Variants in TMPRSS6 observed in about 807,000 individuals in gnomAD.
The protein encoded by TMPRSS6 is transmembrane protease serine 6.
Under a neutral mutation model 101.5 loss-of-function variants are expected in TMPRSS6, and 67 were observed. The ratio of observed to expected loss-of-function variants is 0.66; its 90% CI spans 0.54 to 0.81. TMPRSS6 has a LOEUF of 0.81. Among genes scored for constraint, TMPRSS6 ranks in the 30% least tolerant of loss-of-function variants. The probability of loss-of-function intolerance (pLI) is 0.00; values close to 1 mark genes in which losing one functional copy is unlikely to be tolerated. For missense variants in TMPRSS6, 1,034 were observed against 1,088.7 expected (o/e 0.95, Z 0.71); for synonymous variants, 453 against 464.9 (o/e 0.97, Z 0.33).
chr22:37,097,782 A>ACC (rs1929918859), intron 3 of TMPRSS6, among the ~76,000 whole-genome samples: 1 of 96,456 alleles, frequency 1.0e-5, no homozygotes. Flanking sequence ...GAGGGGCAGG[A>ACC]GTGGGCCACC....
chr22:37,077,097 G>A lies in TMPRSS6; in HGVS notation c.1197-1817C>T, dbSNP rs151126428. 4.4e-3 allele frequency among the ~76,000 whole-genome samples: 672 copies of A among 152,316 alleles called. 6 individuals carry two copies. The highest frequency in any genetic ancestry group is 0.016 in the African/African-American group (650 of 41,550). ...TTTAACATCTCCAGGTGTGTGGCTG[G>A]GGCTGAGCCTCATTGGCTATGGCAT... On this transcript the variant is annotated intron_variant, in intron 10 of 17. Coordinates refer to ENST00000676104, the MANE Select transcript of TMPRSS6 (RefSeq NM_001374504.1).
chr22:37,084,252 G>A (rs772896919), intron 10 of TMPRSS6, 43 bp downstream of exon 10: 1 of 1,523,160 alleles, frequency 6.6e-7, no homozygotes, highest in Non-Finnish European at 9.0e-7. Context: ...GAGAGGGAGG[G>A]GGAGGGAGGA....
intron 2 of TMPRSS6, among the ~76,000 whole-genome samples, chr22:37,100,244 G>T (rs543130862): frequency 3.3e-5 from 5 of 152,268 alleles, no homozygotes; most frequent in Non-Finnish European, 7.3e-5. Flanking sequence ...TGGGATTACG[G>T]GCGTGAGCCA....
At chr22:37,086,872 T>TGAC (rs1928831513) in intron 7 of TMPRSS6, among the ~76,000 whole-genome samples, 4 of 152,156 alleles carry the variant, frequency 2.6e-5, no homozygotes, top group African/African-American at 9.6e-5. Context: ...GCAGGTGTGG[T>TGAC]CTCGTGACCC....
rs143751941 is a variant in TMPRSS6, at chr22:37,104,759, G to A, written c.-1-1341C>T. ...GTGGATCACCTGAGGTCAGGAGTTC[G>A]AGATCAGCCTGGCCAATATGGTGAA... is the stretch of plus-strand genomic sequence containing the variant. On this transcript the variant is annotated intron_variant, in intron 1 of 17. Transcript: ENST00000676104. Among the ~76,000 whole-genome samples, 850 of 152,252 alleles carry A rather than the reference G, an allele frequency of 5.6e-3. 8 individuals are homozygous for A. Among genetic ancestry groups the A allele is most frequent in the African/African-American group, 0.019 (790 of 41,534 alleles).
Position 37,086,322 on chromosome 22 carries a change from C to A in TMPRSS6, c.934G>T (p.Asp312Tyr). ...GGCTGCACGGAGAGCACGAAGGGGT[C>A]GTAGTAGCTGTGCAGGCCCTTCTTC... The part of the protein sequence containing the change: ...VWKKGLHSYY[D>Y]PFVLSVQPVV... The change falls in exon 8 of 18, where the codon GAC (aspartate) becomes TAC (tyrosine). Residue 312 changes from aspartate (D) to tyrosine (Y), a missense_variant. Coordinates refer to ENST00000676104, the MANE Select transcript of TMPRSS6 (RefSeq NM_001374504.1). The A allele has an allele frequency of 6.2e-7, 1 of 1,614,100 alleles. No individual in the cohort carries two copies. The highest frequency in any genetic ancestry group is 1.1e-5 in the South Asian group (1 of 91,082).
rs140758411 is a variant in TMPRSS6, at chr22:37,070,955, G to T, written c.1633C>A (p.Arg545=). ...VKKPNPQCDG[R]PDCRDGSDEE... is the part of the protein sequence containing the mutation. ...TCCGAGCCGTCCCTGCAGTCGGGCCGCCCATCACACTGCGGGTTGGGCTTC... is the reference window on the plus strand; with the variant it reads ...TCCGAGCCGTCCCTGCAGTCGGGCCTCCCATCACACTGCGGGTTGGGCTTC... Residue 545 remains arginine, a synonymous_variant, in exon 14 of 18, where the codon CGG becomes AGG. Transcript: ENST00000676104. 1.2e-6 allele frequency: 2 copies of T among 1,613,114 alleles called. No individual in the cohort carries two copies. Among genetic ancestry groups the T allele is most frequent in the African/African-American group, 1.3e-5 (1 of 74,864 alleles).
chr22:37,086,874 T>TG (rs1928832264), intron 7 of TMPRSS6, among the ~76,000 whole-genome samples: 4 of 152,270 alleles, frequency 2.6e-5, no homozygotes, highest in African/African-American at 9.6e-5. Context: ...AGGTGTGGTC[T>TG]CGTGACCCCC....
intron 10 of TMPRSS6, among the ~76,000 whole-genome samples, chr22:37,081,778 C>G (rs545497392): frequency 1.3e-5 from 2 of 152,218 alleles, no homozygotes; most frequent in Non-Finnish European, 2.9e-5. Context: ...AGGCCAAGTC[C>G]TTAGCCCTCG....
Position 37,103,534 on chromosome 22 carries a change from C to A in TMPRSS6, c.-1-116G>T. 6.2e-7 allele frequency: 1 copy of A among 1,614,090 alleles called. No individual in the cohort carries two copies. Among genetic ancestry groups the A allele is most frequent in the Non-Finnish European group, 8.5e-7 (1 of 1,180,030 alleles). ...CCTGCCTTTTGGAGTGGAAGAGTAA[C>A]AACATCAGGCGGCAGTGACTGCAAG... On this transcript the variant is annotated intron_variant, in intron 1 of 17. Coordinates refer to ENST00000676104, the MANE Select transcript of TMPRSS6 (RefSeq NM_001374504.1). This position sits in a 1 kb window ranked among gnomAD's most constrained non-coding sequence, Gnocchi z 4.4.
intron 4 of TMPRSS6, 142 bp from the exon 5 acceptor site, chr22:37,096,232 G>T: frequency 1.1e-6 from 1 of 909,208 alleles, no homozygotes; most frequent in African/African-American, 1.6e-5. Context: ...AGCGACCTCT[G>T]AAGGAGGCGC....
intron 3 of TMPRSS6, among the ~76,000 whole-genome samples, chr22:37,097,149 A>G (rs934983273): frequency 1.3e-5 from 2 of 152,200 alleles, no homozygotes; most frequent in African/African-American, 4.8e-5. Flanking sequence ...CAGCGTGGGA[A>G]TAGTGTTCGT....
At chr22:37,073,175 G>C (rs1927300147) in intron 13 of TMPRSS6, among the ~76,000 whole-genome samples, 1 of 151,478 alleles carries the variant, frequency 6.6e-6, no homozygotes, top group Non-Finnish European at 1.5e-5. Flanking sequence ...TGGATGGATG[G>C]ATGGATGGAT....
At chr22:37,105,112 C>T (rs1179648488) in intron 1 of TMPRSS6, among the ~76,000 whole-genome samples, 1 of 152,112 alleles carries the variant, frequency 6.6e-6, no homozygotes, top group African/African-American at 2.4e-5. Context: ...TGTGAAGGGC[C>T]CTGGCCCTTC....
At chr22:37,105,273 C>T (rs997774799) in intron 1 of TMPRSS6, among the ~76,000 whole-genome samples, 5 of 152,220 alleles carry the variant, frequency 3.3e-5, no homozygotes, top group Middle Eastern at 3.2e-3. Flanking sequence ...TGACATCCCC[C>T]TCCACAACTA....
Position 37,103,285 on chromosome 22 carries a change from C to G in TMPRSS6, c.133G>C (p.Val45Leu). ...AGGGCCAGCAGCACAAACAGGGGCA[C>G]CAGGCGGAGGTAGCCCCGGGCTTTT... ...KRKARGYLRL[V>L]PLFVLLALLV... is the part of the protein sequence containing the mutation. The change falls in exon 2 of 18, where the codon GTG (valine) becomes CTG (leucine). Residue 45 changes from valine to leucine, a missense_variant. By Grantham distance (32) the Val-to-Leu change is conservative. Coordinates refer to ENST00000676104, the MANE Select transcript of TMPRSS6 (RefSeq NM_001374504.1). The surrounding 1 kb of genome is among the most constrained non-coding windows in gnomAD (Gnocchi z 4.4). The G allele has an allele frequency of 6.2e-7, 1 of 1,614,158 alleles. No homozygotes were observed. Among genetic ancestry groups the G allele is most frequent in the Non-Finnish European group, 8.5e-7 (1 of 1,180,000 alleles).
At chr22:37,105,390 C>T (rs942431607) in intron 1 of TMPRSS6, among the ~76,000 whole-genome samples, 4 of 152,230 alleles carry the variant, frequency 2.6e-5, no homozygotes, top group African/African-American at 9.6e-5. Flanking sequence ...CAGCCCCGCC[C>T]ACTTCCTCAA....
chr22:37,102,578 G>A (rs1309997311), intron 2 of TMPRSS6, among the ~76,000 whole-genome samples: 1 of 152,182 alleles, frequency 6.6e-6, no homozygotes, highest in Non-Finnish European at 1.5e-5. Flanking sequence ...CAGGCCAATT[G>A]CTCCCCGGGC....
At chr22:37,097,085 C>T (rs1344113590) in intron 3 of TMPRSS6, among the ~76,000 whole-genome samples, 3 of 109,300 alleles carry the variant, frequency 2.7e-5, no homozygotes, top group East Asian at 2.5e-4. Context: ...GTAGTTTTTG[C>T]GCATCTCCAA....
Sources: allele counts gnomAD v4.1 joint callset (sites outside exome capture counted in the v4.1 genomes callset), GRCh38; gene constraint gnomAD v4.1.1; non-coding constraint Gnocchi (gnomAD v3.1); transcripts MANE v1.5; gene names NCBI Gene and HGNC (gene_info 2026-07-23, HGNC 2026-07-21).